Variants in PLCL2 observed in about 807,000 individuals in gnomAD.
PLCL2 encodes the protein inactive phospholipase C-like protein 2.
Under a neutral mutation model 79.6 loss-of-function variants are expected in PLCL2, and 4 were observed. That is an observed-to-expected ratio of 0.05 (90% CI 0.02 to 0.11). The LOEUF is 0.11. PLCL2 is among the 10% of genes least tolerant of loss of function. The pLI, the probability that PLCL2 is intolerant of heterozygous loss-of-function variation, is 1.00. For synonymous variants in PLCL2, 484 were observed against 457.7 expected (o/e 1.06, Z -0.73); for missense variants, 895 against 1,291.0 (o/e 0.69, Z 4.70).
At position 16,964,146 on chromosome 3, in the gene PLCL2, A is replaced by G. The variant is rs564265524; in HGVS notation, c.328-45528A>G. 3.3e-5 allele frequency among the ~76,000 whole-genome samples: 5 copies of G among 151,298 alleles called. 1 individual carries two copies. In the South Asian group the frequency reaches 1.1e-3, roughly 32 times the overall value. On this transcript the variant is annotated intron_variant, in intron 1 of 5. Coordinates refer to ENST00000615277, the MANE Select transcript of PLCL2 (RefSeq NM_001144382.2). ...CATTAACTCGTCATTTACATTAGGTATATCTCCTAATGCTATCCCTCTCCC... is the reference window on the plus strand; with the variant it reads ...CATTAACTCGTCATTTACATTAGGTGTATCTCCTAATGCTATCCCTCTCCC...
At chr3:17,036,507 T>G (rs1319851775) in intron 3 of PLCL2, among the ~76,000 whole-genome samples, 1 of 152,182 alleles carries the variant, frequency 6.6e-6, no homozygotes, top group African/African-American at 2.4e-5. Flanking sequence ...CGCACAGTAA[T>G]AATTATTTTA....
At chr3:17,066,095 C>CT (rs1465870142) in intron 4 of PLCL2, among the ~76,000 whole-genome samples, 2 of 152,170 alleles carry the variant, frequency 1.3e-5, no homozygotes. Flanking sequence ...TCCAGGGAGT[C>CT]TCCCGGATGT....
intron 2 of PLCL2, among the ~76,000 whole-genome samples, chr3:17,013,591 ATG>A (rs1056360839): frequency 6.6e-6 from 1 of 152,228 alleles, no homozygotes; most frequent in Non-Finnish European, 1.5e-5. Flanking sequence ...CTATAGTTTG[ATG>A]TCCATATTTA....
intron 1 of PLCL2, among the ~76,000 whole-genome samples, chr3:16,916,859 T>C (rs1022094408): frequency 6.6e-6 from 1 of 152,198 alleles, no homozygotes; most frequent in Non-Finnish European, 1.5e-5. Flanking sequence ...TTTGGCTTCC[T>C]TCTCTCTTTT....
chr3:16,951,827 T>G (rs915034036), intron 1 of PLCL2, among the ~76,000 whole-genome samples: 2 of 152,194 alleles, frequency 1.3e-5, no homozygotes, highest in Non-Finnish European at 2.9e-5. Flanking sequence ...TGTTTAGATC[T>G]GTCAGGTAAT....
rs1427694524 is a variant in PLCL2, at chr3:16,970,677, A to G, written c.328-38997A>G. Among the ~76,000 whole-genome samples the G allele has an allele frequency of 3.4e-5, 5 of 145,488 alleles. No homozygotes were observed. In the East Asian group the frequency reaches 8.0e-4, roughly 23 times the overall value. On this transcript the variant is annotated intron_variant, in intron 1 of 5. Transcript: ENST00000615277. ...GGTTGAACTAGTTTACAGTCCCACC[A>G]ACAGTGTAAAAGTGTTCCTATTTCT...
chr3:16,973,782 G>C (rs1409495670), intron 1 of PLCL2, among the ~76,000 whole-genome samples: 1 of 152,020 alleles, frequency 6.6e-6, no homozygotes, highest in Non-Finnish European at 1.5e-5. Flanking sequence ...GGTCTATACT[G>C]GTAAATAGAA....
intron 1 of PLCL2, among the ~76,000 whole-genome samples, chr3:16,923,599 A>G (rs1435238538): frequency 6.6e-6 from 1 of 152,182 alleles, no homozygotes; most frequent in African/African-American, 2.4e-5. Context: ...TTTGACCTTC[A>G]TACACTCACA....
At chr3:17,026,525 C>T (rs2064518970) in intron 3 of PLCL2, among the ~76,000 whole-genome samples, 1 of 152,160 alleles carries the variant, frequency 6.6e-6, no homozygotes, top group Non-Finnish European at 1.5e-5. Context: ...ACTGGACAGA[C>T]ATCAGATGGG....
chr3:17,007,083 A>G (rs2064268503), intron 1 of PLCL2, among the ~76,000 whole-genome samples: 1 of 152,250 alleles, frequency 6.6e-6, no homozygotes, highest in Admixed American at 6.5e-5. Flanking sequence ...TCTTTGAGAC[A>G]CGATATATAA....
At chr3:17,015,899 C>T (rs2064378641) in intron 3 of PLCL2, among the ~76,000 whole-genome samples, 2 of 152,174 alleles carry the variant, frequency 1.3e-5, no homozygotes, top group South Asian at 2.1e-4. Flanking sequence ...AGAAAAAAGA[C>T]GTTGGGCCAG....
At chr3:16,901,041 T>C (rs1696605368) in intron 1 of PLCL2, among the ~76,000 whole-genome samples, 1 of 152,208 alleles carries the variant, frequency 6.6e-6, no homozygotes, top group African/African-American at 2.4e-5. Context: ...TTTAACGCCT[T>C]GATTGTGTGT....
At chr3:16,969,232 G>A (rs896294292) in intron 1 of PLCL2, among the ~76,000 whole-genome samples, 2 of 152,078 alleles carry the variant, frequency 1.3e-5, no homozygotes, top group African/African-American at 4.8e-5. Flanking sequence ...TCCAGGTTGT[G>A]GTATCAGGAT....
At chr3:16,982,399 G>C (rs74399070) in intron 1 of PLCL2, among the ~76,000 whole-genome samples, 2,041 of 152,268 alleles carry the variant, frequency 0.013, 50 homozygotes, top group African/African-American at 0.046. Context: ...TCCCTGTTTG[G>C]GGGGTGTATG....
At chr3:16,949,349 TAA>T (rs1049220618) in intron 1 of PLCL2, among the ~76,000 whole-genome samples, 5 of 152,212 alleles carry the variant, frequency 3.3e-5, no homozygotes, top group African/African-American at 1.2e-4. Context: ...ATCTGTGGTA[TAA>T]AAAAATATTG....
intron 1 of PLCL2, among the ~76,000 whole-genome samples, chr3:16,947,455 C>T (rs755342591): frequency 3.0e-4 from 45 of 152,236 alleles, no homozygotes; most frequent in Non-Finnish European, 3.4e-4. Flanking sequence ...ATTCCTACTG[C>T]GACTGTCAGA....
At chr3:16,919,630 A>G (rs1697076843) in intron 1 of PLCL2, among the ~76,000 whole-genome samples, 1 of 151,790 alleles carries the variant, frequency 6.6e-6, no homozygotes, top group Non-Finnish European at 1.5e-5. Context: ...TTGTGTGCTT[A>G]GCTCTTTAAT....
chr3:16,923,923 C>T (rs1050204217), intron 1 of PLCL2, among the ~76,000 whole-genome samples: 1 of 150,762 alleles, frequency 6.6e-6, no homozygotes, highest in African/African-American at 2.4e-5. Context: ...TATTATACTT[C>T]TCAACTCCAG....
rs1209552597 is a variant in PLCL2, at chr3:17,021,625, CA to C, written c.3018+6715del. 8.5e-3 allele frequency among the ~76,000 whole-genome samples: 1,272 copies of C among 148,856 alleles called. 16 individuals carry two copies. Among genetic ancestry groups the C allele is most frequent in the African/African-American group, 0.031 (1,197 of 38,554 alleles). On this transcript the variant is annotated intron_variant, in intron 3 of 5. Coordinates refer to ENST00000615277, the MANE Select transcript of PLCL2 (RefSeq NM_001144382.2). Reference sequence around the variant, plus strand: ...ACACACACACACACACACACACACACACACACCCCAGATACTAAGCAAGGAA... The same window carrying C: ...ACACACACACACACACACACACACACCACACCCCAGATACTAAGCAAGGAA...
Sources: gnomAD v4.1 joint callset for allele counts (sites outside exome capture counted in the v4.1 genomes callset) on GRCh38, gnomAD v4.1.1 for gene constraint, MANE v1.5 for transcripts, NCBI Gene and HGNC (gene_info 2026-07-23, HGNC 2026-07-21) for gene names.